GRIK2: variants seen among roughly 807,000 people sequenced by gnomAD.
The protein encoded by GRIK2 is glutamate receptor ionotropic, kainate 2.
A neutral mutation model predicts 100.3 loss-of-function variants in GRIK2; 32 were observed. The ratio of observed to expected loss-of-function variants is 0.32; its 90% CI spans 0.24 to 0.43. The LOEUF is 0.43. Ranked by LOEUF, GRIK2 falls within the 20% of genes least tolerant of loss-of-function variation. GRIK2 has a pLI of 1.00. For missense variants in GRIK2, 843 were observed against 1,114.9 expected, an observed-to-expected ratio of 0.76 and a Z score of 3.47; for synonymous variants, 417 against 389.4, an observed-to-expected ratio of 1.07 and a Z score of -0.83.
intron 7 of GRIK2, among the ~76,000 whole-genome samples, chr6:101,696,933 A>C (rs1772532612): frequency 6.6e-6 from 1 of 151,978 alleles, no homozygotes; most frequent in East Asian, 1.9e-4. Context: ...AGTTTTGGGT[A>C]AGGTGGTAGC....
intron 10 of GRIK2, among the ~76,000 whole-genome samples, chr6:101,831,490 A>G (rs2128428229): frequency 6.6e-6 from 1 of 152,226 alleles, no homozygotes; most frequent in South Asian, 2.1e-4. Context: ...AGCCACAGTG[A>G]ATAGGAGGAA....
chr6:101,516,603 G>A (rs1007743295), intron 2 of GRIK2, among the ~76,000 whole-genome samples: 4 of 152,116 alleles, frequency 2.6e-5, no homozygotes, highest in South Asian at 2.1e-4. Flanking sequence ...TATGGATTAA[G>A]GACTTAAACC....
chr6:101,892,047 T>C, intron 12 of GRIK2, among the ~76,000 whole-genome samples: 1 of 152,136 alleles, frequency 6.6e-6, no homozygotes, highest in African/African-American at 2.4e-5. Context: ...TCTTCCTTAA[T>C]GTTTGCATGT....
At chr6:101,528,625 A>G (rs545853746) in intron 2 of GRIK2, among the ~76,000 whole-genome samples, 142 of 152,302 alleles carry the variant, frequency 9.3e-4, no homozygotes, top group Admixed American at 3.1e-3. Context: ...TCAAAGTGTT[A>G]CTGGCTCAGG....
intron 2 of GRIK2, among the ~76,000 whole-genome samples, chr6:101,555,553 A>T (rs1431475155): frequency 6.6e-6 from 1 of 152,246 alleles, no homozygotes; most frequent in Non-Finnish European, 1.5e-5. Context: ...TATAGAATTT[A>T]AAAATTTCAT....
At chr6:101,654,794 C>A (rs1474024755) in intron 4 of GRIK2, among the ~76,000 whole-genome samples, 1 of 152,116 alleles carries the variant, frequency 6.6e-6, no homozygotes, top group East Asian at 1.9e-4. Context: ...CCTGCTGAAC[C>A]ATTTTGCATG....
At chr6:102,017,605 A>G (rs1325849500) in intron 14 of GRIK2, among the ~76,000 whole-genome samples, 1 of 152,154 alleles carries the variant, frequency 6.6e-6, no homozygotes, top group Non-Finnish European at 1.5e-5. Flanking sequence ...TTATTGCCTC[A>G]TACACTTTTT....
intron 2 of GRIK2, among the ~76,000 whole-genome samples, chr6:101,570,816 G>C (rs1025497258): frequency 6.6e-6 from 1 of 152,128 alleles, no homozygotes; most frequent in Non-Finnish European, 1.5e-5. Flanking sequence ...TTTATTGACA[G>C]TTGAGTAACT....
intron 8 of GRIK2, among the ~76,000 whole-genome samples, chr6:101,802,092 A>T (rs1251244812): frequency 1.3e-5 from 2 of 151,914 alleles, no homozygotes; most frequent in Non-Finnish European, 2.9e-5. Flanking sequence ...CCTAGACAGA[A>T]AATTGTAACT....
At chr6:102,025,126 G>A (rs1769625607) in intron 14 of GRIK2, among the ~76,000 whole-genome samples, 1 of 151,108 alleles carries the variant, frequency 6.6e-6, no homozygotes. Flanking sequence ...AGAGCTGAAA[G>A]TAATATGCCT....
At chr6:101,657,073 C>T (rs562207167) in intron 4 of GRIK2, among the ~76,000 whole-genome samples, 1 of 152,288 alleles carries the variant, frequency 6.6e-6, no homozygotes, top group Non-Finnish European at 1.5e-5. Flanking sequence ...TCATAGAGTT[C>T]ATGTGGATAA....
intron 2 of GRIK2, among the ~76,000 whole-genome samples, chr6:101,452,929 C>T (rs927906084): frequency 6.6e-6 from 1 of 151,754 alleles, no homozygotes; most frequent in Admixed American, 6.6e-5. Context: ...AATGGCAATA[C>T]AATAAAATGG....
At chr6:101,713,264 A>AG (rs1341088508) in intron 7 of GRIK2, among the ~76,000 whole-genome samples, 1 of 151,762 alleles carries the variant, frequency 6.6e-6, no homozygotes, top group Admixed American at 6.6e-5. Context: ...TATGCATGAA[A>AG]AAACCTCCTG....
At chr6:101,579,461 C>T (rs560459005) in intron 2 of GRIK2, among the ~76,000 whole-genome samples, 28 of 149,548 alleles carry the variant, frequency 1.9e-4, no homozygotes, top group East Asian at 7.8e-4. Flanking sequence ...TTCTTTCTTT[C>T]GCTTTCTCTC....
chr6:101,801,780 CATGAAGTATATCTTGAT>C (rs1408743667), intron 8 of GRIK2, among the ~76,000 whole-genome samples: 1 of 151,824 alleles, frequency 6.6e-6, no homozygotes, highest in Non-Finnish European at 1.5e-5. Context: ...CCATCTCCTC[CATGAAGTATATCTTGAT>C]ATGAAGTAAT....
intron 10 of GRIK2, among the ~76,000 whole-genome samples, chr6:101,854,447 A>G (rs1194585952): frequency 6.6e-6 from 1 of 152,026 alleles, no homozygotes; most frequent in African/African-American, 2.4e-5. Flanking sequence ...TTTAGTAGAG[A>G]TGGAGTTTCA....
At chr6:101,858,059 C>A (rs114408696) in intron 10 of GRIK2, among the ~76,000 whole-genome samples, 1 of 152,140 alleles carries the variant, frequency 6.6e-6, no homozygotes, top group African/African-American at 2.4e-5. Flanking sequence ...GATTATACTT[C>A]GTCTCTTACC....
At chr6:101,703,975 G>C (rs983421160) in intron 7 of GRIK2, among the ~76,000 whole-genome samples, 12 of 151,748 alleles carry the variant, frequency 7.9e-5, no homozygotes, top group Non-Finnish European at 1.6e-4. Flanking sequence ...AAATGGAATT[G>C]AATTGGAAGA....
At chr6:101,620,023 T>C (rs1018933899) in intron 2 of GRIK2, 1 of 152,144 alleles carries the variant, frequency 6.6e-6, no homozygotes, top group Non-Finnish European at 1.5e-5. Flanking sequence ...CTCTAAATGT[T>C]TTGTACATGC....
Sources: gnomAD v4.1 joint callset for allele counts (sites outside exome capture counted in the v4.1 genomes callset) on GRCh38, gnomAD v4.1.1 for gene constraint, MANE v1.5 for transcripts, NCBI Gene and HGNC (gene_info 2026-07-23, HGNC 2026-07-21) for gene names.